The following DCHS2 variants were observed in gnomAD, a reference collection of about 807,000 sequenced individuals.
DCHS2 encodes the protein protocadherin-23.
A neutral mutation model predicts 182.4 loss-of-function variants in DCHS2; 142 were observed. That is an observed-to-expected ratio of 0.78 (90% CI 0.68 to 0.89). The LOEUF (loss-of-function observed/expected upper bound fraction) is 0.89, where lower values mean the gene tolerates loss of function less well. Among genes scored for constraint, DCHS2 ranks in the 40% least tolerant of loss-of-function variants. DCHS2 has a pLI of 0.00. For missense variants in DCHS2, 4,319 were observed against 4,198.6 expected (o/e 1.03, Z -0.79); for synonymous variants, 1,740 against 1,663.3 (o/e 1.05, Z -1.12).
intron 14 of DCHS2, among the ~76,000 whole-genome samples, chr4:154,261,091 ATGAACACTAATT>A (rs1421492667): frequency 2.6e-5 from 4 of 152,208 alleles, no homozygotes; most frequent in Non-Finnish European, 4.4e-5. Context: ...GAGTTTCTGA[ATGAACACTAATT>A]TGGAGTTAGA....
intron 7 of DCHS2, chr4:154,323,055 G>A (rs1398082107): frequency 1.4e-6 from 1 of 730,566 alleles, no homozygotes; most frequent in Non-Finnish European, 2.1e-6. Flanking sequence ...TTTAATCTAT[G>A]GATTCCTGCC....
chr4:154,269,758 T>C (rs1164229445), intron 14 of DCHS2, 142 bp downstream of exon 14: 5 of 891,512 alleles, frequency 5.6e-6, no homozygotes, highest in South Asian at 1.8e-5. Context: ...TTTCCCATAA[T>C]TTTTCATAGG....
chr4:154,264,793 A>C (rs367594566), intron 14 of DCHS2, among the ~76,000 whole-genome samples: 7 of 152,182 alleles, frequency 4.6e-5, no homozygotes, highest in African/African-American at 1.7e-4. Context: ...GAAAAAAATA[A>C]TACTAGAAGA....
chr4:154,235,358 T>C lies in DCHS2; in HGVS notation c.9294A>G (p.Glu3098=), dbSNP rs77305317. Residue 3098 remains glutamate (E), a synonymous_variant, in exon 20 of 20, where the codon GAA becomes GAG. Coordinates refer to ENST00000357232, the MANE Select transcript of DCHS2 (RefSeq NM_001358235.2). ...HSNSSGHCSV[E]GETAEDKEIQ... The stretch of plus-strand genomic sequence containing the variant: ...TTTCCTTATCTTCTGCAGTTTCTCC[T>C]TCCACAGAACAGTGGCCACTGGAGT... The C allele has an allele frequency of 9.6e-4, 1,546 of 1,614,080 alleles. 2 individuals are homozygous for C. Among genetic ancestry groups the C allele is most frequent in the Non-Finnish European group, 1.3e-3 (1,493 of 1,179,974 alleles).
At chr4:154,336,811 T>C (rs886573139) in intron 3 of DCHS2, among the ~76,000 whole-genome samples, 1 of 152,210 alleles carries the variant, frequency 6.6e-6, no homozygotes, top group South Asian at 2.1e-4. Flanking sequence ...ATTATAACCA[T>C]TTTCTTTAAT....
At chr4:154,240,358 A>G (rs1447682669) in intron 18 of DCHS2, among the ~76,000 whole-genome samples, 179 bp downstream of exon 18, 2 of 152,088 alleles carry the variant, frequency 1.3e-5, no homozygotes, top group African/African-American at 4.8e-5. Context: ...TGAGACATTC[A>G]TTTCCATATG....
At chr4:154,451,048 T>C (rs773255763) in intron 1 of DCHS2, among the ~76,000 whole-genome samples, 10 of 152,202 alleles carry the variant, frequency 6.6e-5, no homozygotes, top group Non-Finnish European at 1.5e-4. Context: ...GTCCATTCAC[T>C]GAGTGACCCA....
At chr4:154,429,229 C>T (rs1307674739) in intron 1 of DCHS2, among the ~76,000 whole-genome samples, 1 of 152,170 alleles carries the variant, frequency 6.6e-6, no homozygotes, top group African/African-American at 2.4e-5. Context: ...GTAGACAGAA[C>T]TGGTGCTTCG....
intron 1 of DCHS2, among the ~76,000 whole-genome samples, chr4:154,388,314 TA>T (rs954854385): frequency 5.3e-5 from 8 of 149,910 alleles, no homozygotes; most frequent in South Asian, 2.1e-4. Context: ...TTGAGGTGAG[TA>T]AAAAAAAAGA....
At chr4:154,288,594 T>C (rs1462587919) in intron 13 of DCHS2, among the ~76,000 whole-genome samples, 1 of 152,116 alleles carries the variant, frequency 6.6e-6, no homozygotes, top group Non-Finnish European at 1.5e-5. Flanking sequence ...GAACATTTCA[T>C]CCAATGAAAT....
At chr4:154,473,870 C>G (rs1184024790) in intron 1 of DCHS2, among the ~76,000 whole-genome samples, 2 of 152,124 alleles carry the variant, frequency 1.3e-5, no homozygotes, top group Admixed American at 6.5e-5. Flanking sequence ...ACCCAGGAAG[C>G]CCAAGAGGGG....
chr4:154,318,935 T>C lies in DCHS2; in HGVS notation c.5020+1444A>G, dbSNP rs183282140. 3.9e-3 allele frequency among the ~76,000 whole-genome samples: 596 copies of C among 152,254 alleles called. 5 individuals are homozygous for C. Among genetic ancestry groups the C allele is most frequent in the Middle Eastern group, 0.01 (3 of 294 alleles). On this transcript the variant is annotated intron_variant, in intron 9 of 19. Coordinates refer to ENST00000357232, the MANE Select transcript of DCHS2 (RefSeq NM_001358235.2). ...ACAAAGCTGGAGGCATCACACTTCC[T>C]GGCTTTGATATATTACAAAGCTACC...
chr4:154,340,847 A>G (rs554565817), intron 3 of DCHS2, among the ~76,000 whole-genome samples: 1 of 152,348 alleles, frequency 6.6e-6, no homozygotes, highest in Admixed American at 6.5e-5. Flanking sequence ...ATCAGTAACT[A>G]AGTGTAACGT....
rs1400738918 is a variant in DCHS2 at position 154,303,750 on chromosome 4, A to G, written c.5605+919T>C. 2.6e-5 allele frequency among the ~76,000 whole-genome samples: 4 copies of G among 152,330 alleles called. 1 individual carries two copies. In the East Asian group the frequency reaches 7.7e-4, roughly 29 times the overall value. ...AGGTGTCCAGTGTGTCTTTGCCATC[A>G]GAATGTTCTTCCACCTTCACCGCAT... is the stretch of plus-strand genomic sequence containing the variant. On this transcript the variant is annotated intron_variant, in intron 12 of 19. Transcript: ENST00000357232.
intron 7 of DCHS2, 189 bp from the exon 8 acceptor site, chr4:154,322,677 C>T (rs1578962608): frequency 4.0e-6 from 3 of 742,722 alleles, no homozygotes; most frequent in East Asian, 6.6e-5. Context: ...ATGGAAAATG[C>T]ATACAAAAAA....
chr4:154,423,661 TG>T (rs1733201331), intron 1 of DCHS2, among the ~76,000 whole-genome samples: 1 of 152,234 alleles, frequency 6.6e-6, no homozygotes, highest in African/African-American at 2.4e-5. Flanking sequence ...CATTCTATAT[TG>T]GTACATTGTA....
At chr4:154,364,872 T>A (rs929490766) in intron 3 of DCHS2, among the ~76,000 whole-genome samples, 2 of 152,180 alleles carry the variant, frequency 1.3e-5, no homozygotes, top group Non-Finnish European at 2.9e-5. Context: ...TTCTACCCAC[T>A]GTTTGGATCA....
chr4:154,358,373 T>C (rs1044218767), intron 3 of DCHS2, among the ~76,000 whole-genome samples: 1 of 152,198 alleles, frequency 6.6e-6, no homozygotes, highest in African/African-American at 2.4e-5. Flanking sequence ...CCTACACTAG[T>C]TGCAGAAGTT....
rs778467895 is a variant in DCHS2 at position 154,491,162 on chromosome 4, T to A, written c.194A>T (p.Gln65Leu). 1 of 1,551,198 alleles carries A rather than the reference T, an allele frequency of 6.4e-7. No individual in the cohort carries two copies. Among genetic ancestry groups the A allele is most frequent in the East Asian group, 2.4e-5 (1 of 40,868 alleles). The change falls in exon 1 of 20, where the codon CAG becomes CTG. Residue 65 changes from glutamine to leucine, a missense_variant. Coordinates refer to ENST00000357232, the MANE Select transcript of DCHS2 (RefSeq NM_001358235.2). ...WLWAASGSSA[Q>L]LFNLTLSVDE... is the part of the protein sequence containing the mutation. ...TACGGAAAGGGTGAGGTTGAACAAC[T>A]GGGCAGAGGAGCCCGAGGCCGCCCA...
Sources: gnomAD v4.1 joint callset for allele counts (sites outside exome capture counted in the v4.1 genomes callset) on GRCh38, gnomAD v4.1.1 for gene constraint, MANE v1.5 for transcripts, NCBI Gene and HGNC (gene_info 2026-07-23, HGNC 2026-07-21) for gene names.